Variants in ESR1 observed in about 807,000 individuals in gnomAD.
ESR1 encodes estrogen receptor.
ESR1 carries 12 observed loss-of-function variants against 52.7 expected under a neutral mutation model. The ratio of observed to expected loss-of-function variants is 0.23; its 90% confidence interval spans 0.15 to 0.37. The LOEUF is 0.37. Ranked by LOEUF, ESR1 falls within the 10% of genes least tolerant of loss-of-function variation. ESR1 has a pLI of 1.00. For synonymous variants in ESR1, 305 were observed against 316.8 expected (o/e 0.96, Z 0.39); for missense variants, 584 against 779.7 (o/e 0.75, Z 2.99).
upstream of ESR1, among the ~76,000 whole-genome samples, chr6:151,686,795 A>T (rs1778706994): frequency 6.6e-6 from 1 of 152,148 alleles, no homozygotes. Flanking sequence ...CACTATTCTG[A>T]TGGGAAAGAC....
At chr6:151,750,564 A>G (rs528699561) in intron 2 of ESR1, among the ~76,000 whole-genome samples, 1 of 152,350 alleles carries the variant, frequency 6.6e-6, no homozygotes, top group African/African-American at 2.4e-5. Flanking sequence ...GAAAAATTAT[A>G]AATGACCAGG....
At chr6:152,103,571 C>A (rs982106930), downstream of ESR1, among the ~76,000 whole-genome samples, 3 of 152,196 alleles carry the variant, frequency 2.0e-5, no homozygotes, top group Admixed American at 1.3e-4. Context: ...AGTAATAACA[C>A]CTAATTCACA....
intron 4 of ESR1, among the ~76,000 whole-genome samples, chr6:151,993,141 A>G (rs754274880): frequency 6.6e-6 from 1 of 152,182 alleles, no homozygotes; most frequent in Non-Finnish European, 1.5e-5. Context: ...TGGTTAATTT[A>G]TAAATTAGGC....
intron 5 of ESR1, among the ~76,000 whole-genome samples, chr6:152,045,223 G>A (rs2046132556): frequency 6.6e-6 from 1 of 152,202 alleles, no homozygotes. Context: ...AGATGCAAGA[G>A]CAGTGGAATC....
At chr6:152,096,603 C>A in intron 7 of ESR1, 1 of 455,360 alleles carries the variant, frequency 2.2e-6, no homozygotes, top group South Asian at 1.6e-5. Flanking sequence ...CTTTTCCCTG[C>A]CCTGTGAATT....
intron 4 of ESR1, among the ~76,000 whole-genome samples, chr6:151,948,997 T>G (rs924891559): frequency 6.6e-6 from 1 of 152,206 alleles, no homozygotes; most frequent in Non-Finnish European, 1.5e-5. Flanking sequence ...TTTTAAGAAG[T>G]CTCTGAGCCC....
At chr6:151,978,910 A>G (rs187546823) in intron 4 of ESR1, among the ~76,000 whole-genome samples, 94 of 152,344 alleles carry the variant, frequency 6.2e-4, no homozygotes, top group African/African-American at 2.2e-3. Flanking sequence ...ATGGTAAGTC[A>G]AATATTGAGA....
intron 6 of ESR1, among the ~76,000 whole-genome samples, chr6:152,080,225 G>A (rs1005245730): frequency 6.6e-6 from 1 of 152,110 alleles, no homozygotes; most frequent in African/African-American, 2.4e-5. Flanking sequence ...AGGAAAAAAT[G>A]TTAAGGGCAG....
chr6:151,711,382 C>T (rs1368760494), intron 2 of ESR1, among the ~76,000 whole-genome samples: 1 of 152,070 alleles, frequency 6.6e-6, no homozygotes, highest in Non-Finnish European at 1.5e-5. Flanking sequence ...CCATCATGCC[C>T]AGCTAATTTT....
chr6:151,716,178 T>C (rs1198486915), intron 2 of ESR1, among the ~76,000 whole-genome samples: 2 of 152,150 alleles, frequency 1.3e-5, no homozygotes, highest in African/African-American at 4.8e-5. Flanking sequence ...ACAGCAAAGA[T>C]TGCTGCCTGT....
intron 2 of ESR1, among the ~76,000 whole-genome samples, chr6:151,749,601 T>A (rs1197325792): frequency 6.6e-6 from 1 of 152,170 alleles, no homozygotes; most frequent in Non-Finnish European, 1.5e-5. Context: ...ACATGGAAAT[T>A]GTACACATTA....
At chr6:151,800,673 T>G (rs903887074), upstream of ESR1, among the ~76,000 whole-genome samples, 8 of 152,296 alleles carry the variant, frequency 5.3e-5, no homozygotes, top group Admixed American at 1.3e-4. Flanking sequence ...CAGTCTATGG[T>G]ATTTTGTTAC....
intron 3 of ESR1, among the ~76,000 whole-genome samples, chr6:151,934,961 T>C (rs1326879336): frequency 6.6e-6 from 1 of 152,210 alleles, no homozygotes. Flanking sequence ...ACAGTGCATG[T>C]AGGTTTCTAC....
chr6:151,768,910 A>G (rs6939257), intron 2 of ESR1, among the ~76,000 whole-genome samples: 45,472 of 152,058 alleles, frequency 0.3, 8,528 homozygotes, highest in East Asian at 0.72. Flanking sequence ...ACCTTTGGTA[A>G]TGACAATCTG....
intron 4 of ESR1, among the ~76,000 whole-genome samples, chr6:152,008,984 T>G (rs2042554451): frequency 6.6e-6 from 1 of 152,034 alleles, no homozygotes; most frequent in Non-Finnish European, 1.5e-5. Flanking sequence ...TCGTGGGTAT[T>G]GAGAAAGAGG....
intron 2 of ESR1, among the ~76,000 whole-genome samples, chr6:151,871,332 T>G (rs950819827): frequency 6.6e-6 from 1 of 152,294 alleles, no homozygotes; most frequent in Non-Finnish European, 1.5e-5. Flanking sequence ...TTCAGTGGCA[T>G]TGAGTACATT....
At chr6:151,939,494 T>G (rs1356395959) in intron 3 of ESR1, among the ~76,000 whole-genome samples, 1 of 152,192 alleles carries the variant, frequency 6.6e-6, no homozygotes, top group Non-Finnish European at 1.5e-5. Flanking sequence ...TCTATATAAT[T>G]AAGAATAAGC....
At chr6:152,043,857 C>T (rs749602931) in intron 5 of ESR1, among the ~76,000 whole-genome samples, 13 of 152,290 alleles carry the variant, frequency 8.5e-5, no homozygotes, top group Non-Finnish European at 1.8e-4. Flanking sequence ...ACAGTAAACA[C>T]CTGGCAAGGC....
chr6:151,823,255 G>A (rs911378285), intron 1 of ESR1, among the ~76,000 whole-genome samples: 5 of 152,078 alleles, frequency 3.3e-5, no homozygotes, highest in South Asian at 2.1e-4. Context: ...TATGGTGCCC[G>A]TTTCCACCTG....
Sources: allele counts gnomAD v4.1 joint callset (sites outside exome capture counted in the v4.1 genomes callset), GRCh38; gene constraint gnomAD v4.1.1; transcripts MANE v1.5; gene names NCBI Gene and HGNC (gene_info 2026-07-23, HGNC 2026-07-21).